The following SLC25A26 variants were observed in gnomAD, a reference collection of about 807,000 sequenced individuals.
SLC25A26 encodes mitochondrial S-adenosylmethionine carrier protein.
Under a neutral mutation model 37.8 loss-of-function variants are expected in SLC25A26, and 36 were observed. The observed-to-expected ratio is 0.95, with a 90% CI of 0.73 to 1.26. SLC25A26 has a LOEUF of 1.26. Among genes scored for constraint, SLC25A26 ranks in the 50% most tolerant of loss-of-function variants. The probability of loss-of-function intolerance (pLI) is 0.00; values close to 1 mark genes in which losing one functional copy is unlikely to be tolerated. For synonymous variants in SLC25A26, 129 were observed against 122.5 expected (o/e 1.05, Z -0.35); for missense variants, 390 against 331.1 (o/e 1.18, Z -1.38).
chr3:66,244,213 A>C (rs1414594114), intron 3 of SLC25A26, among the ~76,000 whole-genome samples: 11 of 152,228 alleles, frequency 7.2e-5, no homozygotes, highest in Non-Finnish European at 4.4e-5. Context: ...TAATATTAGG[A>C]AAAAATACGT....
In SLC25A26 at chr3:66,168,108, G is replaced by A. The variant is rs1013077461; in HGVS notation, c.-354+34124G>A. 4.3e-4 allele frequency among the ~76,000 whole-genome samples: 52 copies of A among 120,490 alleles called. 3 individuals carry two copies. Among genetic ancestry groups the A allele is most frequent in the East Asian group, 2.3e-4 (1 of 4,358 alleles). 79.0% of individuals were successfully genotyped at this position (120,490 alleles called of 152,430 possible). ...AGAGAGGTTGCAGTGAGCTAAGATCGTGCCATCGCACTCCAGACTGGGCAA... is the reference window on the plus strand; with the variant it reads ...AGAGAGGTTGCAGTGAGCTAAGATCATGCCATCGCACTCCAGACTGGGCAA... On this transcript the variant is annotated intron_variant, in intron 1 of 10. Coordinates refer to the SLC25A26 transcript ENST00000676754.
At chr3:66,308,640 GTCATAACTATTCCATAACTAT>G (rs1465609075) in intron 5 of SLC25A26, among the ~76,000 whole-genome samples, 1 of 152,106 alleles carries the variant, frequency 6.6e-6, no homozygotes, top group Non-Finnish European at 1.5e-5. Flanking sequence ...CTATGAGTTT[GTCATAACTATTCCATAACTAT>G]TCATAACTAT....
chr3:66,209,037 GGT>G (rs1559577471), intron 1 of SLC25A26, among the ~76,000 whole-genome samples: 217 of 15,694 alleles, frequency 0.014, 3 homozygotes, highest in East Asian at 0.035. Context: ...CCCATATAAA[GGT>G]GTATATATAT....
intron 7 of SLC25A26, among the ~76,000 whole-genome samples, chr3:66,364,418 C>G (rs2076780774): frequency 6.6e-6 from 1 of 152,134 alleles, no homozygotes; most frequent in South Asian, 2.1e-4. Flanking sequence ...AGCCGGTGCT[C>G]CAGTGATGCT....
chr3:66,230,827 A>AAAAC (rs2071988717), intron 1 of SLC25A26, among the ~76,000 whole-genome samples: 1 of 150,792 alleles, frequency 6.6e-6, no homozygotes, highest in Admixed American at 6.6e-5. Context: ...AAACAAAAAA[A>AAAAC]AACCAGAATT....
At chr3:66,359,316 T>C (rs1280164541) in intron 6 of SLC25A26, among the ~76,000 whole-genome samples, 1 of 152,242 alleles carries the variant, frequency 6.6e-6, no homozygotes, top group Non-Finnish European at 1.5e-5. Context: ...CATCAAATAT[T>C]AGACCTAGGG....
At chr3:66,295,043 G>A (rs552481616) in intron 5 of SLC25A26, among the ~76,000 whole-genome samples, 2 of 152,172 alleles carry the variant, frequency 1.3e-5, no homozygotes, top group East Asian at 1.9e-4. Flanking sequence ...AAAACTGGTT[G>A]GATACAGAAT....
Position 66,221,104 on chromosome 3 carries a change from C to T in SLC25A26, c.10C>T (p.Pro4Ser). 6.5e-7 allele frequency: 1 copy of T among 1,532,472 alleles called. No individual in the cohort carries two copies. Among genetic ancestry groups the T allele is most frequent in the Non-Finnish European group, 8.7e-7 (1 of 1,144,736 alleles). 94.9% of individuals were successfully genotyped at this position (1,532,472 alleles called of 1,614,324 possible). The change falls in exon 1 of 10, where the codon CCG (proline) becomes TCG (serine). Residue 4 changes from proline (P) to serine (S), a missense_variant. Coordinates refer to ENST00000354883, the MANE Select transcript of SLC25A26 (RefSeq NM_001379210.1). MDR[P>S]GFVAALVAGG... ...CGAGGTCTGAGCGACCATGGACCGG[C>T]CGGGGTTCGTGGCAGCGCTGGTGGT...
chr3:66,376,299 G>A (rs1391063568), intron 9 of SLC25A26, among the ~76,000 whole-genome samples: 4 of 152,130 alleles, frequency 2.6e-5, no homozygotes, highest in African/African-American at 4.8e-5. Flanking sequence ...GAGTTGAGAC[G>A]GTTGACTCCA....
chr3:66,187,708 C>T (rs1024783528), intron 1 of SLC25A26, among the ~76,000 whole-genome samples: 10 of 151,660 alleles, frequency 6.6e-5, no homozygotes, highest in African/African-American at 2.4e-4. Context: ...ACCATAACCC[C>T]TACACTCACA....
At chr3:66,284,397 G>C (rs2074441112) in intron 5 of SLC25A26, among the ~76,000 whole-genome samples, 2 of 152,076 alleles carry the variant, frequency 1.3e-5, no homozygotes, top group African/African-American at 4.8e-5. Context: ...AGGGAATAAA[G>C]TCCTTCTGAA....
intron 1 of SLC25A26, among the ~76,000 whole-genome samples, chr3:66,146,580 G>C (rs1335717171): frequency 2.0e-5 from 3 of 151,986 alleles, no homozygotes; most frequent in African/African-American, 7.2e-5. Context: ...CAAAGCATTA[G>C]TTTTCTAATG....
intron 1 of SLC25A26, among the ~76,000 whole-genome samples, chr3:66,205,971 T>C (rs1354124357): frequency 6.6e-6 from 1 of 152,162 alleles, no homozygotes; most frequent in African/African-American, 2.4e-5. Context: ...GTATGCGTAA[T>C]AGAGCAGGTT....
At chr3:66,351,352 A>G (rs1426599137) in intron 6 of SLC25A26, among the ~76,000 whole-genome samples, 2 of 152,208 alleles carry the variant, frequency 1.3e-5, no homozygotes, top group Non-Finnish European at 2.9e-5. Context: ...GAGATGGGGA[A>G]GCAAAAGCGG....
chr3:66,293,763 C>T (rs1034048659), intron 5 of SLC25A26, among the ~76,000 whole-genome samples: 3 of 152,062 alleles, frequency 2.0e-5, no homozygotes, highest in Non-Finnish European at 4.4e-5. Flanking sequence ...TATATATGTA[C>T]CACATTTCCT....
At chr3:66,310,234 A>T (rs13070152) in intron 5 of SLC25A26, among the ~76,000 whole-genome samples, 1 of 151,768 alleles carries the variant, frequency 6.6e-6, no homozygotes, top group Non-Finnish European at 1.5e-5. Context: ...TGTTGAATTG[A>T]CCCCTTTGCC....
chr3:66,217,661 G>T (rs1009437099), upstream of SLC25A26, among the ~76,000 whole-genome samples: 1 of 151,714 alleles, frequency 6.6e-6, no homozygotes, highest in Non-Finnish European at 1.5e-5. Flanking sequence ...CGATTCTCCT[G>T]CCTCAGCCTT....
chr3:66,234,144 A>C (rs1001618033), intron 1 of SLC25A26, among the ~76,000 whole-genome samples: 1 of 152,146 alleles, frequency 6.6e-6, no homozygotes, highest in South Asian at 2.1e-4. Flanking sequence ...CGTGGTGGCT[A>C]TTCATGGGCA....
chr3:66,296,561 G>A (rs1051774275), intron 5 of SLC25A26, among the ~76,000 whole-genome samples: 1 of 152,156 alleles, frequency 6.6e-6, no homozygotes, highest in African/African-American at 2.4e-5. Context: ...AGCATAGGGA[G>A]TATGTGTTCA....
Sources: allele counts gnomAD v4.1 joint callset (sites outside exome capture counted in the v4.1 genomes callset), GRCh38; gene constraint gnomAD v4.1.1; transcripts MANE v1.5; gene names NCBI Gene and HGNC (gene_info 2026-07-23, HGNC 2026-07-21).